The following KIFAP3 variants were observed in gnomAD, a reference collection of about 807,000 sequenced individuals.
KIFAP3 encodes the protein kinesin-associated protein 3.
A neutral mutation model predicts 106.5 loss-of-function variants in KIFAP3; 68 were observed. The observed-to-expected ratio is 0.64, with a 90% CI of 0.53 to 0.78. KIFAP3 has a LOEUF of 0.78. KIFAP3 is among the 30% of genes least tolerant of loss of function. The probability of loss-of-function intolerance (pLI) is 0.00; values close to 1 mark genes in which losing one functional copy is unlikely to be tolerated. For missense variants in KIFAP3, 780 were observed against 941.8 expected, an observed-to-expected ratio of 0.83 and a Z score of 2.25; for synonymous variants, 320 against 311.5, an observed-to-expected ratio of 1.03 and a Z score of -0.29.
intron 2 of KIFAP3, among the ~76,000 whole-genome samples, chr1:170,049,521 C>G (rs1670463692): frequency 6.6e-6 from 1 of 152,160 alleles, no homozygotes; most frequent in Non-Finnish European, 1.5e-5. Context: ...GGGTCCCTGA[C>G]CCCCATGCCT....
chr1:169,928,097 T>G (rs1180755749), intron 19 of KIFAP3, among the ~76,000 whole-genome samples: 1 of 27,130 alleles, frequency 3.7e-5, no homozygotes, highest in Non-Finnish European at 5.8e-5. Flanking sequence ...CAATGTTATC[T>G]TTTCTCTTTT....
At chr1:170,023,544 T>C (rs1022632076) in intron 9 of KIFAP3, among the ~76,000 whole-genome samples, 1 of 151,984 alleles carries the variant, frequency 6.6e-6, no homozygotes, top group Non-Finnish European at 1.5e-5. Context: ...AGCAGAAATA[T>C]AGACAAATAT....
chr1:169,971,705 T>A (rs1017131668), intron 17 of KIFAP3, among the ~76,000 whole-genome samples: 19 of 152,052 alleles, frequency 1.2e-4, no homozygotes, highest in African/African-American at 4.1e-4. Context: ...TAAAAAAAAA[T>A]GTTATTCTGA....
intron 1 of KIFAP3, among the ~76,000 whole-genome samples, chr1:170,059,219 G>C (rs1671006214): frequency 6.6e-6 from 1 of 151,968 alleles, no homozygotes; most frequent in Non-Finnish European, 1.5e-5. Flanking sequence ...ATGAACCCAG[G>C]AGATGGTTTT....
At chr1:170,068,765 C>G (rs1671567145) in intron 1 of KIFAP3, 1 of 151,794 alleles carries the variant, frequency 6.6e-6, no homozygotes, top group African/African-American at 2.4e-5. Context: ...ATAAGACACT[C>G]TATACTGACG....
At chr1:169,964,411 T>C (rs917508927) in intron 17 of KIFAP3, among the ~76,000 whole-genome samples, 10 of 152,140 alleles carry the variant, frequency 6.6e-5, no homozygotes, top group African/African-American at 2.4e-4. Context: ...AAACAGAGGA[T>C]AAATGAACAT....
chr1:170,080,226 A>G (rs989294973), intron 1 of KIFAP3, among the ~76,000 whole-genome samples: 11 of 152,056 alleles, frequency 7.2e-5, no homozygotes, highest in African/African-American at 1.2e-4. Context: ...TTCAAGACCT[A>G]TGCACTGAAA....
upstream of KIFAP3, among the ~76,000 whole-genome samples, chr1:170,075,856 AATAGTCTAATCACTTTATACCT>A (rs1289437900): frequency 6.6e-6 from 1 of 152,216 alleles, no homozygotes; most frequent in African/African-American, 2.4e-5. Context: ...TACTTCTACC[AATAGTCTAATCACTTTATACCT>A]AGAGTACTGC....
At chr1:169,976,017 G>A (rs527919687) in intron 16 of KIFAP3, among the ~76,000 whole-genome samples, 26 of 152,220 alleles carry the variant, frequency 1.7e-4, no homozygotes, top group Admixed American at 1.4e-3. Context: ...ACACTGAAAA[G>A]AAAGGTCAAA....
chr1:170,034,880 A>ATCAGG (rs959858690), intron 6 of KIFAP3, among the ~76,000 whole-genome samples: 1 of 151,930 alleles, frequency 6.6e-6, no homozygotes, highest in Non-Finnish European at 1.5e-5. Flanking sequence ...AGTACTAGTA[A>ATCAGG]TCAGGTTTTA....
intron 17 of KIFAP3, among the ~76,000 whole-genome samples, chr1:169,964,218 C>T (rs1033238524): frequency 1.2e-4 from 2 of 17,318 alleles, no homozygotes; most frequent in East Asian, 0.045. Flanking sequence ...ATTGAGAACA[C>T]TTAATGTTAG....
chr1:169,958,959 A>T (rs1198588240), intron 18 of KIFAP3, among the ~76,000 whole-genome samples: 1 of 152,182 alleles, frequency 6.6e-6, no homozygotes, highest in Non-Finnish European at 1.5e-5. Flanking sequence ...TATACATTTG[A>T]CTATTAAATC....
At chr1:170,035,645 T>C (rs987072980) in intron 5 of KIFAP3, 92 bp from the exon 6 acceptor site, 20 of 711,524 alleles carry the variant, frequency 2.8e-5, no homozygotes, top group Non-Finnish European at 4.3e-5. Context: ...TAATGAATAA[T>C]AAAGCTAAGA....
At chr1:169,965,812 T>G (rs1387064192) in intron 17 of KIFAP3, among the ~76,000 whole-genome samples, 1 of 151,226 alleles carries the variant, frequency 6.6e-6, no homozygotes, top group East Asian at 1.9e-4. Flanking sequence ...TTATCAAATC[T>G]ATTTGACAAA....
At chr1:170,042,874 G>C (rs147178385) in intron 3 of KIFAP3, among the ~76,000 whole-genome samples, 5 of 152,152 alleles carry the variant, frequency 3.3e-5, no homozygotes, top group African/African-American at 9.7e-5. Flanking sequence ...CCACATCTGA[G>C]CTTTCTCTAG....
chr1:169,998,699 T>C lies in KIFAP3; in HGVS notation c.1184-6444A>G, dbSNP rs142745031. ...ATACGTAAATATTTTATAAACGGTC[T>C]TGTTACCCACATATTATCTTGATGA... On this transcript the variant is annotated intron_variant, in intron 10 of 19. Coordinates refer to ENST00000361580, the MANE Select transcript of KIFAP3 (RefSeq NM_014970.4). Among the ~76,000 whole-genome samples the C allele has an allele frequency of 8.1e-3, 1,238 of 152,252 alleles. 9 individuals are homozygous for C. The highest frequency in any genetic ancestry group is 0.018 in the South Asian group (87 of 4,822).
chr1:170,054,959 C>T (rs1352779917), intron 2 of KIFAP3, among the ~76,000 whole-genome samples: 2 of 152,152 alleles, frequency 1.3e-5, no homozygotes, highest in Admixed American at 6.6e-5. Context: ...ACATGTATCA[C>T]AGAACTTAAA....
chr1:169,953,517 A>G (rs1038508152), intron 19 of KIFAP3, among the ~76,000 whole-genome samples: 1 of 151,944 alleles, frequency 6.6e-6, no homozygotes, highest in African/African-American at 2.4e-5. Flanking sequence ...TAGATCTGTG[A>G]TCCCCATTTT....
chr1:170,048,068 G>A (rs1670353071), intron 2 of KIFAP3, among the ~76,000 whole-genome samples: 1 of 152,160 alleles, frequency 6.6e-6, no homozygotes, highest in Non-Finnish European at 1.5e-5. Flanking sequence ...GCAATGTCCT[G>A]TAAGCTTATT....
Sources: gnomAD v4.1 joint callset for allele counts (sites outside exome capture counted in the v4.1 genomes callset) on GRCh38, gnomAD v4.1.1 for gene constraint, MANE v1.5 for transcripts, NCBI Gene and HGNC (gene_info 2026-07-23, HGNC 2026-07-21) for gene names.